Variants in ZNF385D observed in about 807,000 individuals in gnomAD.
ZNF385D encodes zinc finger protein 385D.
ZNF385D carries 15 observed loss-of-function variants against 35.8 expected under a neutral mutation model. The ratio of observed to expected loss-of-function variants is 0.42; its 90% CI spans 0.28 to 0.64. The LOEUF is 0.64. Ranked by LOEUF, ZNF385D falls within the 30% of genes least tolerant of loss-of-function variation. The probability of loss-of-function intolerance (pLI) is 0.23; values close to 1 mark genes in which losing one functional copy is unlikely to be tolerated. For missense variants in ZNF385D, 474 were observed against 494.6 expected, an observed-to-expected ratio of 0.96 and a Z score of 0.39; for synonymous variants, 212 against 186.8, an observed-to-expected ratio of 1.13 and a Z score of -1.10.
intron 1 of ZNF385D, among the ~76,000 whole-genome samples, chr3:21,699,823 C>CTTTTTTTTTTTTT (rs1006362754): frequency 2.3e-5 from 2 of 88,878 alleles, no homozygotes; most frequent in Non-Finnish European, 4.2e-5. Flanking sequence ...GTTTCTTTTC[C>CTTTTTTTTTTTTT]TTTTTTTTTT....
intron 2 of ZNF385D, among the ~76,000 whole-genome samples, chr3:21,654,753 TCTGTTAAGTTGCTATAA>T (rs368143337): frequency 9.2e-4 from 140 of 152,170 alleles, no homozygotes; most frequent in African/African-American, 3.2e-3. Flanking sequence ...GTGAAATTAC[TCTGTTAAGTTGCTATAA>T]ATACCTCTAA....
At chr3:21,829,444 G>C (rs1302694856) in intron 3 of ZNF385D, among the ~76,000 whole-genome samples, 1 of 152,126 alleles carries the variant, frequency 6.6e-6, no homozygotes, top group African/African-American at 2.4e-5. Flanking sequence ...TAGTGGCTTA[G>C]AGTGGCAGAG....
chr3:21,849,196 A>G (rs77194512), intron 3 of ZNF385D, among the ~76,000 whole-genome samples: 5,839 of 152,138 alleles, frequency 0.038, 390 homozygotes, highest in African/African-American at 0.13. Context: ...AAGTCTTGAA[A>G]ACACTAACAT....
At chr3:21,979,784 A>T (rs1694316112) in intron 3 of ZNF385D, 1 of 151,434 alleles carries the variant, frequency 6.6e-6, no homozygotes, top group African/African-American at 2.5e-5. Flanking sequence ...CAGGATGGAA[A>T]AATATGGGTC....
At chr3:21,543,797 C>T (rs1395066942) in intron 3 of ZNF385D, among the ~76,000 whole-genome samples, 1 of 152,168 alleles carries the variant, frequency 6.6e-6, no homozygotes, top group African/African-American at 2.4e-5. Context: ...CCGCAGCTAT[C>T]GCTGTTTATA....
chr3:22,255,982 G>A (rs968410618), intron 2 of ZNF385D, among the ~76,000 whole-genome samples: 1 of 151,628 alleles, frequency 6.6e-6, no homozygotes, highest in African/African-American at 2.4e-5. Flanking sequence ...ATCTGGTTGT[G>A]CACAATCTAT....
At chr3:21,637,347 T>C (rs767550311) in intron 2 of ZNF385D, among the ~76,000 whole-genome samples, 3 of 152,166 alleles carry the variant, frequency 2.0e-5, no homozygotes, top group Non-Finnish European at 4.4e-5. Context: ...GCACCATTTG[T>C]TGAAAAGGGT....
chr3:21,727,627 C>T (rs1266101581), intron 1 of ZNF385D, among the ~76,000 whole-genome samples: 9 of 152,196 alleles, frequency 5.9e-5, no homozygotes, highest in South Asian at 2.1e-4. Context: ...TACCATCTCA[C>T]GCCAGTCAGA....
intron 3 of ZNF385D, among the ~76,000 whole-genome samples, chr3:21,888,339 A>G (rs1698661555): frequency 6.6e-6 from 1 of 152,180 alleles, no homozygotes; most frequent in South Asian, 2.1e-4. Flanking sequence ...GTAATAAAAT[A>G]AAACAAAATA....
chr3:22,036,629 CAAA>C (rs1044685874), intron 3 of ZNF385D, among the ~76,000 whole-genome samples: 4 of 149,272 alleles, frequency 2.7e-5, no homozygotes, highest in African/African-American at 7.4e-5. Context: ...TTACAAATTG[CAAA>C]AACAAGCAAA....
At chr3:21,665,074 G>GA (rs757776374) in intron 1 of ZNF385D, 46 bp from the exon 2 acceptor site, 8 of 1,519,132 alleles carry the variant, frequency 5.3e-6, no homozygotes, top group East Asian at 4.7e-5. Context: ...ACCACGCATG[G>GA]AAAAAAACAC....
chr3:21,802,018 G>C (rs1296184966), intron 3 of ZNF385D, among the ~76,000 whole-genome samples: 6 of 152,044 alleles, frequency 3.9e-5, no homozygotes, highest in Admixed American at 3.9e-4. Context: ...ACAGAATACA[G>C]TTTTCAACTT....
intron 1 of ZNF385D, among the ~76,000 whole-genome samples, chr3:21,711,095 G>A (rs1241921495): frequency 1.5e-5 from 2 of 131,774 alleles, no homozygotes; most frequent in South Asian, 2.4e-4. Context: ...AGGATGGAGT[G>A]CAGTGGCGTG....
intron 3 of ZNF385D, among the ~76,000 whole-genome samples, chr3:22,048,811 A>G (rs1275341756): frequency 6.6e-6 from 1 of 152,188 alleles, no homozygotes; most frequent in Admixed American, 6.5e-5. Context: ...TAGTGATTGC[A>G]TGGAATTAGT....
intron 1 of ZNF385D, among the ~76,000 whole-genome samples, chr3:21,687,889 G>A (rs1559519734): frequency 6.6e-6 from 1 of 152,024 alleles, no homozygotes. Flanking sequence ...GTCTGACAAT[G>A]TAAACAAAAT....
intron 3 of ZNF385D, among the ~76,000 whole-genome samples, chr3:22,080,390 G>C (rs142895647): frequency 6.6e-6 from 1 of 152,100 alleles, no homozygotes; most frequent in East Asian, 1.9e-4. Flanking sequence ...TTTGTTTTTA[G>C]AGAAAGCAAT....
chr3:21,810,037 A>G (rs1208231424), intron 3 of ZNF385D, among the ~76,000 whole-genome samples: 3 of 152,316 alleles, frequency 2.0e-5, no homozygotes. Flanking sequence ...CCAATTTGTT[A>G]TAACACCAGC....
chr3:22,096,901 C>A (rs1275994576), intron 3 of ZNF385D, among the ~76,000 whole-genome samples: 1 of 152,072 alleles, frequency 6.6e-6, no homozygotes, highest in Non-Finnish European at 1.5e-5. Context: ...CAAAAAGACA[C>A]AGCTGAAATG....
rs1227555649 is a variant in ZNF385D, at chr3:21,420,297, G to C, written c.*917C>G. 6.6e-6 allele frequency: 1 copy of C among 152,086 alleles called. No homozygotes were observed. Among genetic ancestry groups the C allele is most frequent in the Non-Finnish European group, 1.5e-5 (1 of 68,022 alleles). The allele number at this position is 152,086 out of a possible 1,614,324, so 9.4% of individuals were successfully genotyped here. A position where few individuals can be genotyped will look rare whatever the true frequency, so the allele number is the denominator to read the frequency against. On this transcript the variant is annotated 3_prime_UTR_variant, in exon 8 of 8. Coordinates refer to ENST00000281523, the MANE Select transcript of ZNF385D (RefSeq NM_024697.3). ...TCTTTACTTTGCATTATCATTCTAG[G>C]TTATGATTCTTCATCCTTGAAATAG...
Sources: gnomAD v4.1 joint callset for allele counts (sites outside exome capture counted in the v4.1 genomes callset) on GRCh38, gnomAD v4.1.1 for gene constraint, MANE v1.5 for transcripts, NCBI Gene and HGNC (gene_info 2026-07-23, HGNC 2026-07-21) for gene names.